Variants in SCN8A observed in about 807,000 individuals in gnomAD.
SCN8A encodes sodium channel protein type 8 subunit alpha.
Under a neutral mutation model 184.1 loss-of-function variants are expected in SCN8A, and 30 were observed. The observed-to-expected ratio is 0.16, with a 90% CI of 0.12 to 0.22. The LOEUF (loss-of-function observed/expected upper bound fraction) is 0.22, where lower values mean the gene tolerates loss of function less well. Ranked by LOEUF, SCN8A falls within the 10% of genes least tolerant of loss-of-function variation. The pLI is 1.00. For missense variants in SCN8A, 1,057 were observed against 2,498.9 expected (o/e 0.42, Z 12.30); for synonymous variants, 852 against 907.0 (o/e 0.94, Z 1.09).
intron 2 of SCN8A, among the ~76,000 whole-genome samples, chr12:51,674,937 G>A (rs895462898): frequency 6.6e-6 from 1 of 152,170 alleles, no homozygotes; most frequent in Admixed American, 6.5e-5. Flanking sequence ...ATTGAATCCA[G>A]GTCTTTCTGG....
At chr12:51,803,275 C>T (rs879591526) in intron 26 of SCN8A, among the ~76,000 whole-genome samples, 13 of 152,022 alleles carry the variant, frequency 8.6e-5, no homozygotes, top group African/African-American at 2.4e-4. Context: ...GCATCCAGCG[C>T]GGGAGGAGAT....
intron 1 of SCN8A, among the ~76,000 whole-genome samples, chr12:51,623,326 G>T (rs151287576): frequency 6.6e-6 from 1 of 152,148 alleles, no homozygotes; most frequent in Admixed American, 6.5e-5. Flanking sequence ...TAAGCTAAAC[G>T]TGGATTTGCA....
chr12:51,716,232 G>A (rs1005715028), intron 11 of SCN8A, among the ~76,000 whole-genome samples: 5 of 152,208 alleles, frequency 3.3e-5, no homozygotes, highest in Admixed American at 6.5e-5. Flanking sequence ...GCACACACCT[G>A]TAGTTCCAGC....
chr12:51,672,019 G>A (rs1463976239), intron 2 of SCN8A, among the ~76,000 whole-genome samples: 1 of 152,082 alleles, frequency 6.6e-6, no homozygotes, highest in Non-Finnish European at 1.5e-5. Context: ...TTGACCCTGT[G>A]CCTTTCTACC....
chr12:51,723,540 A>G (rs1942108238), intron 12 of SCN8A, among the ~76,000 whole-genome samples: 1 of 152,196 alleles, frequency 6.6e-6, no homozygotes, highest in South Asian at 2.1e-4. Flanking sequence ...GCTTTTTATA[A>G]GCTACAAATT....
At chr12:51,791,768 A>G (rs1938259161) in intron 25 of SCN8A, among the ~76,000 whole-genome samples, 1 of 152,210 alleles carries the variant, frequency 6.6e-6, no homozygotes, top group African/African-American at 2.4e-5. Context: ...GGTCCTCACT[A>G]CGTAGGAGGC....
chr12:51,763,583 A>T lies in SCN8A; in HGVS notation c.2544+907A>T, dbSNP rs764280686. ...GGCTTTATTTTCTCTATCATTAGCT[A>T]AAAAGGAGTTTGTATTAATGTATTT... On this transcript the variant is annotated intron_variant, in intron 15 of 26. Transcript: ENST00000627620. 1.8e-4 allele frequency among the ~76,000 whole-genome samples: 27 copies of T among 152,236 alleles called. 1 individual carries two copies. Among genetic ancestry groups the T allele is most frequent in the Non-Finnish European group, 3.5e-4 (24 of 68,046 alleles).
At position 51,722,022 on chromosome 12, in the gene SCN8A, A is replaced by G. The variant is rs1480492862; in HGVS notation, c.1998+114A>G. On this transcript the variant is annotated intron_variant, in intron 12 of 26. Transcript: ENST00000627620. ...CCCCTCCTCTTTCCCTGCTCTGCCCATCCCACTTGGTCTGTCTGGACCCCA... is the reference window on the plus strand; with the variant it reads ...CCCCTCCTCTTTCCCTGCTCTGCCCGTCCCACTTGGTCTGTCTGGACCCCA... The G allele has an allele frequency of 3.2e-6, 5 of 1,567,808 alleles. No individual in the cohort carries two copies. The African/African-American group carries it at 5.4e-5, about 17-fold the overall frequency.
At chr12:51,743,534 C>A (rs1468630254) in intron 12 of SCN8A, among the ~76,000 whole-genome samples, 1 of 152,166 alleles carries the variant, frequency 6.6e-6, no homozygotes, top group East Asian at 1.9e-4. Flanking sequence ...CAAATGGAGT[C>A]TCTTTTTCTG....
chr12:51,642,559 G>A (rs539441371), intron 1 of SCN8A, among the ~76,000 whole-genome samples: 1 of 152,104 alleles, frequency 6.6e-6, no homozygotes, highest in Non-Finnish European at 1.5e-5. Flanking sequence ...AACATGGCTG[G>A]CCACAATGGA....
intron 1 of SCN8A, among the ~76,000 whole-genome samples, chr12:51,640,288 C>G (rs1186264272): frequency 8.5e-6 from 1 of 117,832 alleles, no homozygotes; most frequent in Non-Finnish European, 1.6e-5. Context: ...TAGACTACAG[C>G]ATAGCATAAA....
At chr12:51,784,033 A>G (rs567836054) in intron 21 of SCN8A, among the ~76,000 whole-genome samples, 1 of 152,254 alleles carries the variant, frequency 6.6e-6, no homozygotes, top group African/African-American at 2.4e-5. Context: ...GAACTTGAGA[A>G]GAGAGGATCA....
chr12:51,728,273 A>G (rs1206394109), intron 12 of SCN8A, among the ~76,000 whole-genome samples: 1 of 152,166 alleles, frequency 6.6e-6, no homozygotes, highest in Non-Finnish European at 1.5e-5. Context: ...TGACTAGACC[A>G]TGTAAAAAAA....
At chr12:51,701,446 G>A (rs1177348859) in intron 8 of SCN8A, among the ~76,000 whole-genome samples, 2 of 152,162 alleles carry the variant, frequency 1.3e-5, no homozygotes, top group African/African-American at 4.8e-5. Flanking sequence ...ATCCAAGGAT[G>A]AAATCAATAA....
At position 51,760,135 on chromosome 12, in the gene SCN8A, T is replaced by G. The variant is rs530281744; in HGVS notation, c.2371-2368T>G. Reference sequence around the variant, plus strand: ...TAATACATGAACTTTGGGGGACACATTCAAACCATAGCAGACACTTATATA... The same window carrying G: ...TAATACATGAACTTTGGGGGACACAGTCAAACCATAGCAGACACTTATATA... On this transcript the variant is annotated intron_variant, in intron 14 of 26. Transcript: ENST00000627620. 5.3e-5 allele frequency among the ~76,000 whole-genome samples: 8 copies of G among 152,304 alleles called. No individual in the cohort carries two copies. The South Asian group carries it at 1.7e-3, about 32-fold the overall frequency.
chr12:51,643,470 T>C (rs1940498882), intron 1 of SCN8A, among the ~76,000 whole-genome samples: 1 of 152,264 alleles, frequency 6.6e-6, no homozygotes, highest in Non-Finnish European at 1.5e-5. Flanking sequence ...ATAACCACTT[T>C]GATGTATCTT....
intron 1 of SCN8A, among the ~76,000 whole-genome samples, chr12:51,650,930 C>T (rs1018695484): frequency 4.6e-5 from 7 of 152,108 alleles, no homozygotes; most frequent in South Asian, 4.2e-4. Flanking sequence ...CAGTCATTAG[C>T]GTTGTTTCTA....
chr12:51,748,599 T>C (rs1942549468), intron 13 of SCN8A, among the ~76,000 whole-genome samples: 2 of 152,200 alleles, frequency 1.3e-5, no homozygotes, highest in South Asian at 4.1e-4. Flanking sequence ...TTGACATTAT[T>C]GATTTTTAAT....
At chr12:51,701,470 A>T (rs1051598578) in intron 8 of SCN8A, among the ~76,000 whole-genome samples, 6 of 152,170 alleles carry the variant, frequency 3.9e-5, no homozygotes, top group African/African-American at 1.2e-4. Flanking sequence ...CAGATAGCTT[A>T]CCTGCCTCTT....
Sources: gnomAD v4.1 joint callset for allele counts (sites outside exome capture counted in the v4.1 genomes callset) on GRCh38, gnomAD v4.1.1 for gene constraint, MANE v1.5 for transcripts, NCBI Gene and HGNC (gene_info 2026-07-23, HGNC 2026-07-21) for gene names.